SAMD4A: variants seen among roughly 807,000 people sequenced by gnomAD.
SAMD4A encodes the protein protein Smaug homolog 1.
Under a neutral mutation model 81.3 loss-of-function variants are expected in SAMD4A, and 33 were observed. The ratio of observed to expected loss-of-function variants is 0.41; its 90% CI spans 0.31 to 0.54. The LOEUF is 0.54. Ranked by LOEUF, SAMD4A falls within the 20% of genes least tolerant of loss-of-function variation. SAMD4A has a pLI of 0.37. For missense variants in SAMD4A, 854 were observed against 951.1 expected, an observed-to-expected ratio of 0.90 and a Z score of 1.34; for synonymous variants, 389 against 382.1, an observed-to-expected ratio of 1.02 and a Z score of -0.21.
intron 6 of SAMD4A, among the ~76,000 whole-genome samples, chr14:54,756,475 C>A (rs565046742): frequency 6.6e-6 from 1 of 152,318 alleles, no homozygotes; most frequent in African/African-American, 2.4e-5. Flanking sequence ...TGCCCTGATG[C>A]CCATCATACC....
chr14:54,588,961 G>A lies in SAMD4A; in HGVS notation c.196+20849G>A, dbSNP rs182339901. 2.6e-5 allele frequency among the ~76,000 whole-genome samples: 4 copies of A among 152,266 alleles called. No individual in the cohort carries two copies. In the East Asian group the frequency reaches 5.8e-4, roughly 22 times the overall value. On this transcript the variant is annotated intron_variant, in intron 2 of 12. Transcript: ENST00000554335. ...TTAAGTTTAACAGAAGGAAGGAAGA[G>A]GAACTGCTCAATTTTAGTTTAATCC...
intron 2 of SAMD4A, among the ~76,000 whole-genome samples, chr14:54,631,408 C>T (rs746843199): frequency 1.3e-5 from 2 of 152,148 alleles, no homozygotes; most frequent in Non-Finnish European, 2.9e-5. Context: ...TGATGCTGTC[C>T]TCCTCTGCCT....
At chr14:54,733,101 G>A (rs116698061) in intron 3 of SAMD4A, among the ~76,000 whole-genome samples, 3,638 of 152,214 alleles carry the variant, frequency 0.024, 62 homozygotes, top group Middle Eastern at 0.099. Context: ...GGTTAGATGA[G>A]GTCAGAAGAG....
At position 54,770,268 on chromosome 14, in the gene SAMD4A, C is replaced by T. The variant is rs374424488; in HGVS notation, c.1715+46C>T. ...TTGTAATGCGTAGTGGTTCCCCTGG[C>T]GCCTTGTTGCCTACCTCGGTTCCTG... On this transcript the variant is annotated intron_variant, in intron 9 of 12. Coordinates refer to ENST00000554335, the MANE Select transcript of SAMD4A (RefSeq NM_015589.6). The T allele has an allele frequency of 8.2e-5, 107 of 1,302,770 alleles. 1 individual carries two copies. The highest frequency in any genetic ancestry group is 4.4e-4 in the East Asian group (19 of 42,904). 80.7% of individuals were successfully genotyped at this position (1,302,770 alleles called of 1,614,324 possible).
rs1476552113 is a variant in SAMD4A at position 54,737,273 on chromosome 14, G to T, written c.965G>T (p.Gly322Val). 1.2e-6 allele frequency: 2 copies of T among 1,613,994 alleles called. No individual in the cohort carries two copies. Among genetic ancestry groups the T allele is most frequent in the African/African-American group, 1.3e-5 (1 of 74,908 alleles). The change falls in exon 4 of 13, where the codon GGT becomes GTT. Residue 322 changes from glycine (G) to valine (V), a missense_variant. Gly to Val is a moderately radical substitution (Grantham distance 109, BLOSUM62 -3). Coordinates refer to ENST00000554335, the MANE Select transcript of SAMD4A (RefSeq NM_015589.6). ...GCTCGTAACACATTCCAAGAAGAAG[G>T]TAGTGGGATGAAAGGTGAGTGACTA... ...TTARNTFQEE[G>V]SGMKDVPAWL... is the part of the protein sequence containing the mutation.
intron 3 of SAMD4A, among the ~76,000 whole-genome samples, chr14:54,726,067 C>T (rs116317605): frequency 0.015 from 2,258 of 152,110 alleles, 62 homozygotes; most frequent in African/African-American, 0.051. Flanking sequence ...GATGCCAATG[C>T]TACCTGTCCA....
intron 2 of SAMD4A, among the ~76,000 whole-genome samples, chr14:54,601,552 T>C (rs2034052678): frequency 6.6e-6 from 1 of 152,232 alleles, no homozygotes; most frequent in South Asian, 2.1e-4. Flanking sequence ...AGCGACATTT[T>C]AAAGCCTAAA....
At chr14:54,643,981 G>A (rs1270923779) in intron 2 of SAMD4A, among the ~76,000 whole-genome samples, 12 of 152,298 alleles carry the variant, frequency 7.9e-5, no homozygotes, top group Middle Eastern at 3.4e-3. Context: ...GGAGGGACTC[G>A]GTAGAACAAA....
intron 2 of SAMD4A, among the ~76,000 whole-genome samples, chr14:54,666,414 G>T (rs2035757922): frequency 1.3e-5 from 2 of 152,120 alleles, no homozygotes; most frequent in Admixed American, 1.3e-4. Context: ...CATACATACT[G>T]AAGTGCTTCA....
At chr14:54,669,810 G>A (rs878903829) in intron 2 of SAMD4A, among the ~76,000 whole-genome samples, 4 of 152,288 alleles carry the variant, frequency 2.6e-5, no homozygotes, top group Non-Finnish European at 5.9e-5. Flanking sequence ...GAAAGATGAC[G>A]TTGCCAGCAT....
chr14:54,572,997 A>G (rs1191763678), intron 2 of SAMD4A, among the ~76,000 whole-genome samples: 1 of 152,222 alleles, frequency 6.6e-6, no homozygotes, highest in Non-Finnish European at 1.5e-5. Flanking sequence ...AAAAATATGC[A>G]GCCCTGACCC....
chr14:54,735,774 G>A (rs2037676570), intron 3 of SAMD4A, among the ~76,000 whole-genome samples: 2 of 152,222 alleles, frequency 1.3e-5, no homozygotes, highest in Admixed American at 1.3e-4. Context: ...TGTTGGGACT[G>A]CTCTACCAGA....
chr14:54,599,398 C>T (rs2033996312), intron 2 of SAMD4A, among the ~76,000 whole-genome samples: 1 of 152,120 alleles, frequency 6.6e-6, no homozygotes, highest in South Asian at 2.1e-4. Flanking sequence ...AACCTGAGCA[C>T]CTTATTTTTT....
chr14:54,693,908 A>G (rs2036515121), intron 2 of SAMD4A: 1 of 152,298 alleles, frequency 6.6e-6, no homozygotes, highest in Non-Finnish European at 1.5e-5. Context: ...GTAGACAGAT[A>G]AGATCTCATT....
rs78722954 is a variant in SAMD4A at position 54,713,805 on chromosome 14, T to C, written c.715+11225T>C. Among the ~76,000 whole-genome samples, 403 of 152,338 alleles carry C rather than the reference T, an allele frequency of 2.6e-3. 4 individuals are homozygous for C. Among genetic ancestry groups the C allele is most frequent in the South Asian group, 0.022 (106 of 4,828 alleles). On this transcript the variant is annotated intron_variant, in intron 3 of 12. Coordinates refer to ENST00000554335, the MANE Select transcript of SAMD4A (RefSeq NM_015589.6). The stretch of plus-strand genomic sequence containing the variant: ...GTGAATAGTGTTTGAGAGATTCAAG[T>C]TGGTACATAAACAATGAGGCAGTCT...
At chr14:54,769,982 T>A in intron 8 of SAMD4A, 122 bp from the exon 9 acceptor site, 1 of 684,460 alleles carries the variant, frequency 1.5e-6, no homozygotes, top group Non-Finnish European at 2.6e-6. Flanking sequence ...TTGGACCAGG[T>A]TAGAAACAGG....
chr14:54,783,985 T>C (rs2039069379), intron 11 of SAMD4A, among the ~76,000 whole-genome samples: 1 of 151,970 alleles, frequency 6.6e-6, no homozygotes, highest in Non-Finnish European at 1.5e-5. Flanking sequence ...GCGAAGGCTA[T>C]GAAGAAAAAT....
chr14:54,566,138 C>G (rs1024923424), upstream of SAMD4A, among the ~76,000 whole-genome samples: 4 of 151,970 alleles, frequency 2.6e-5, no homozygotes, highest in Non-Finnish European at 4.4e-5. Context: ...CTGGAGGCAG[C>G]AGCAGCGGCG....
intron 2 of SAMD4A, among the ~76,000 whole-genome samples, chr14:54,679,970 CA>C (rs2036091336): frequency 6.6e-6 from 1 of 152,188 alleles, no homozygotes; most frequent in Admixed American, 6.5e-5. Flanking sequence ...ATTTGGAAGC[CA>C]AATGATCGTG....
Sources: gnomAD v4.1 joint callset for allele counts (sites outside exome capture counted in the v4.1 genomes callset) on GRCh38, gnomAD v4.1.1 for gene constraint, MANE v1.5 for transcripts, NCBI Gene and HGNC (gene_info 2026-07-23, HGNC 2026-07-21) for gene names.